Variants in MARCHF3 observed in about 807,000 individuals in gnomAD.
MARCHF3 encodes membrane associated ring-CH-type finger 3.
Under a neutral mutation model 24.2 loss-of-function variants are expected in MARCHF3, and 13 were observed. The observed-to-expected ratio is 0.54, with a 90% CI of 0.35 to 0.85. The LOEUF (loss-of-function observed/expected upper bound fraction) is 0.85. Among genes scored for constraint, MARCHF3 ranks in the 40% least tolerant of loss-of-function variants. The pLI, the probability that MARCHF3 is intolerant of heterozygous loss-of-function variation, is 0.01. For missense variants in MARCHF3, 276 were observed against 325.0 expected (o/e 0.85, Z 1.16); for synonymous variants, 144 against 137.3 (o/e 1.05, Z -0.34).
At chr5:126,992,521 G>T (rs912743383) in intron 1 of MARCHF3, among the ~76,000 whole-genome samples, 1 of 152,106 alleles carries the variant, frequency 6.6e-6, no homozygotes, top group African/African-American at 2.4e-5. Context: ...CAAAAACTCC[G>T]TTGAGTTTTG....
At chr5:126,976,630 C>T (rs1390656724) in intron 1 of MARCHF3, among the ~76,000 whole-genome samples, 1 of 152,210 alleles carries the variant, frequency 6.6e-6, no homozygotes, top group Non-Finnish European at 1.5e-5. Context: ...AGTTGTCTCC[C>T]CACCCAGCTG....
intron 1 of MARCHF3, among the ~76,000 whole-genome samples, chr5:126,995,185 A>G (rs1355581870): frequency 1.3e-5 from 2 of 152,178 alleles, no homozygotes; most frequent in Non-Finnish European, 2.9e-5. Context: ...GACACTCAAT[A>G]TTAACCACTA....
intron 4 of MARCHF3, among the ~76,000 whole-genome samples, chr5:126,874,762 A>T (rs990975257): frequency 9.9e-5 from 15 of 152,110 alleles, no homozygotes; most frequent in African/African-American, 3.4e-4. Context: ...TGCACTGGGG[A>T]AAAGGAGTAT....
At chr5:126,876,928 G>A (rs1370340508) in intron 4 of MARCHF3, among the ~76,000 whole-genome samples, 1 of 152,200 alleles carries the variant, frequency 6.6e-6, no homozygotes, top group Non-Finnish European at 1.5e-5. Context: ...GGGATTACAG[G>A]CATGAGCCAC....
intron 3 of MARCHF3, among the ~76,000 whole-genome samples, chr5:126,904,384 G>T (rs1387301968): frequency 6.7e-6 from 1 of 149,370 alleles, no homozygotes; most frequent in African/African-American, 2.5e-5. Context: ...CTGAGGAATC[G>T]CCACACTGAC....
intron 4 of MARCHF3, among the ~76,000 whole-genome samples, chr5:126,872,412 G>A (rs138536188): frequency 6.6e-6 from 1 of 152,280 alleles, no homozygotes; most frequent in Non-Finnish European, 1.5e-5. Flanking sequence ...TAAACCTGTA[G>A]TCTGTTTTGG....
chr5:126,900,348 G>A (rs1378476287), intron 3 of MARCHF3, among the ~76,000 whole-genome samples: 3 of 152,078 alleles, frequency 2.0e-5, no homozygotes, highest in Non-Finnish European at 4.4e-5. Flanking sequence ...TCAAGGTGAT[G>A]GTATTAGGAA....
intron 1 of MARCHF3, among the ~76,000 whole-genome samples, chr5:127,005,084 T>A (rs1752261950): frequency 6.6e-6 from 1 of 151,426 alleles, no homozygotes; most frequent in African/African-American, 2.4e-5. Flanking sequence ...CATGTTTGCA[T>A]CCTCAGTAAC....
At chr5:127,000,240 A>G (rs981973162) in intron 1 of MARCHF3, among the ~76,000 whole-genome samples, 3 of 151,960 alleles carry the variant, frequency 2.0e-5, no homozygotes, top group Non-Finnish European at 4.4e-5. Flanking sequence ...ATCTTTTGGA[A>G]ACATGTTTCT....
intron 1 of MARCHF3, among the ~76,000 whole-genome samples, chr5:126,922,912 C>T (rs1231688347): frequency 6.6e-6 from 1 of 152,180 alleles, no homozygotes; most frequent in African/African-American, 2.4e-5. Context: ...GTACCTTTTG[C>T]ATCACACTTG....
chr5:126,920,025 T>C (rs760705737), intron 1 of MARCHF3, among the ~76,000 whole-genome samples: 1 of 152,190 alleles, frequency 6.6e-6, no homozygotes, highest in African/African-American at 2.4e-5. Context: ...CTAGGTTAAA[T>C]AGGATTTTTT....
chr5:127,021,923 A>G (rs111934875), intron 1 of MARCHF3, among the ~76,000 whole-genome samples: 2,070 of 152,312 alleles, frequency 0.014, 54 homozygotes, highest in African/African-American at 0.048. Context: ...TCTATCAACA[A>G]AAGACACACC....
At chr5:126,928,155 G>T (rs1231028485) in intron 1 of MARCHF3, among the ~76,000 whole-genome samples, 3 of 152,134 alleles carry the variant, frequency 2.0e-5, no homozygotes, top group African/African-American at 7.2e-5. Context: ...TCATTCATTT[G>T]TTTTATGGGC....
chr5:126,941,149 C>A (rs1247556180), intron 1 of MARCHF3, among the ~76,000 whole-genome samples: 1 of 152,126 alleles, frequency 6.6e-6, no homozygotes, highest in Non-Finnish European at 1.5e-5. Flanking sequence ...ATCATTTGAA[C>A]AGGTAAAAGA....
chr5:126,962,308 G>C (rs1241274094), intron 1 of MARCHF3, among the ~76,000 whole-genome samples: 1 of 151,988 alleles, frequency 6.6e-6, no homozygotes, highest in Non-Finnish European at 1.5e-5. Flanking sequence ...CTGTGGGCTA[G>C]TCATTTCATT....
At chr5:126,984,344 C>T (rs1325486591) in intron 1 of MARCHF3, among the ~76,000 whole-genome samples, 1 of 152,146 alleles carries the variant, frequency 6.6e-6, no homozygotes, top group Non-Finnish European at 1.5e-5. Context: ...ACCCCTTCTA[C>T]AGCAGGACAG....
intron 1 of MARCHF3, among the ~76,000 whole-genome samples, chr5:126,920,280 GA>G (rs1413990514): frequency 6.6e-6 from 1 of 152,042 alleles, no homozygotes; most frequent in African/African-American, 2.4e-5. Context: ...CTTTCAGACC[GA>G]AAAACAAAGA....
chr5:126,984,078 G>A (rs532202949), intron 1 of MARCHF3, among the ~76,000 whole-genome samples: 2 of 151,988 alleles, frequency 1.3e-5, no homozygotes, highest in African/African-American at 2.4e-5. Context: ...GTGGGATCTC[G>A]CAATTTTAGG....
Position 126,951,774 on chromosome 5 carries a change from A to C in MARCHF3, c.-56-33547T>G, listed in dbSNP as rs925778378. Reference sequence around the variant, plus strand: ...GATGTACACAACAGCTCTGTCTGTAAGGCACTGACCTTTAATGTTTCCATT... The same window carrying C: ...GATGTACACAACAGCTCTGTCTGTACGGCACTGACCTTTAATGTTTCCATT... On this transcript the variant is annotated intron_variant, in intron 1 of 4. Transcript: ENST00000308660. Among the ~76,000 whole-genome samples, 4 of 152,346 alleles carry C rather than the reference A, an allele frequency of 2.6e-5. No homozygotes were observed. In the East Asian group the frequency reaches 7.7e-4, roughly 29 times the overall value.
Sources: gnomAD v4.1 joint callset for allele counts (sites outside exome capture counted in the v4.1 genomes callset) on GRCh38, gnomAD v4.1.1 for gene constraint, MANE v1.5 for transcripts, NCBI Gene and HGNC (gene_info 2026-07-23, HGNC 2026-07-21) for gene names.